WIPF3: variants seen among roughly 807,000 people sequenced by gnomAD.
WIPF3 encodes the protein WAS/WASL-interacting protein family member 3.
Under a neutral mutation model 38.9 loss-of-function variants are expected in WIPF3, and 33 were observed. That is an observed-to-expected ratio of 0.85 (90% CI 0.64 to 1.14). WIPF3 has a LOEUF of 1.14. Ranked by LOEUF, WIPF3 falls within the 50% of genes most tolerant of loss-of-function variation. The pLI is 0.00. For synonymous variants in WIPF3, 324 were observed against 269.3 expected (o/e 1.20, Z -1.99); for missense variants, 711 against 652.5 (o/e 1.09, Z -0.98).
chr7:29,855,112 C>T (rs1194812876), intron 2 of WIPF3, among the ~76,000 whole-genome samples: 2 of 152,232 alleles, frequency 1.3e-5, no homozygotes, highest in African/African-American at 4.8e-5. Context: ...CAGCTTCCAT[C>T]CTCTGAGATG....
chr7:29,808,827 C>T (rs569750478), intron 1 of WIPF3, among the ~76,000 whole-genome samples: 1 of 151,972 alleles, frequency 6.6e-6, no homozygotes, highest in African/African-American at 2.4e-5. Context: ...GTACAGGTTG[C>T]GAGTTTGCAG....
Position 29,834,760 on chromosome 7 carries a change from T to TCCCCCCC in WIPF3, c.38_39insCCCCCCC (p.Pro16ThrfsTer39). On this transcript the variant is annotated frameshift_variant, in exon 2 of 9. Coordinates refer to ENST00000242140, the MANE Select transcript of WIPF3 (RefSeq NM_001080529.3). LOFTEE classifies it high-confidence loss of function. ...CACCGCCACCCCCACCTCCTCTGCCTCCACCTCCCCCGCCTCTGGGGGCTC... is the reference window on the plus strand; with the variant it reads ...CACCGCCACCCCCACCTCCTCTGCCTCCCCCCCCCACCTCCCCCGCCTCTGGGGGCTC... 8.1e-7 allele frequency: 1 copy of TCCCCCCC among 1,234,026 alleles called. No individual in the cohort carries two copies. Among genetic ancestry groups the TCCCCCCC allele is most frequent in the South Asian group, 1.7e-5 (1 of 57,510 alleles). 76.4% of individuals were successfully genotyped at this position (1,234,026 alleles called of 1,614,324 possible). A position where few individuals can be genotyped will look rare whatever the true frequency, so the allele number is the denominator to read the frequency against.
intron 8 of WIPF3, 120 bp downstream of exon 8, chr7:29,904,482 C>A: frequency 2.1e-6 from 2 of 938,168 alleles, no homozygotes; most frequent in South Asian, 1.5e-5. Context: ...TCCTTTTCCT[C>A]AGGGAAAGCC....
chr7:29,861,719 C>T (rs868829105), intron 2 of WIPF3, among the ~76,000 whole-genome samples: 2 of 152,122 alleles, frequency 1.3e-5, no homozygotes, highest in Non-Finnish European at 1.5e-5. Flanking sequence ...GAATGGCTGG[C>T]GTGCAGGGTC....
At chr7:29,906,856 G>A (rs537635834) in intron 8 of WIPF3, among the ~76,000 whole-genome samples, 38 of 152,270 alleles carry the variant, frequency 2.5e-4, no homozygotes, top group African/African-American at 8.2e-4. Context: ...AGGCCAGAAG[G>A]TGGTGAGCCC....
intron 1 of WIPF3, among the ~76,000 whole-genome samples, chr7:29,832,956 C>G (rs1475059225): frequency 6.6e-6 from 1 of 152,208 alleles, no homozygotes; most frequent in Non-Finnish European, 1.5e-5. Context: ...AATGGCTCAA[C>G]TAAATGTGGT....
intron 2 of WIPF3, among the ~76,000 whole-genome samples, chr7:29,868,554 A>G (rs7807861): frequency 0.18 from 26,541 of 151,344 alleles, 3,109 homozygotes; most frequent in African/African-American, 0.33. Context: ...ATACACAAAT[A>G]TATTAAATAT....
At chr7:29,893,604 G>A (rs1786071665) in intron 7 of WIPF3, among the ~76,000 whole-genome samples, 1 of 152,170 alleles carries the variant, frequency 6.6e-6, no homozygotes, top group Non-Finnish European at 1.5e-5. Context: ...AGCTGAGGGG[G>A]GAGGTAAGGA....
intron 2 of WIPF3, among the ~76,000 whole-genome samples, chr7:29,870,872 G>A (rs1400191692): frequency 1.3e-5 from 2 of 151,560 alleles, no homozygotes; most frequent in Admixed American, 1.3e-4. Context: ...CAGAAGAATT[G>A]CTTGAACCCA....
chr7:29,892,839 G>A (rs2128078345), intron 7 of WIPF3, among the ~76,000 whole-genome samples: 1 of 152,336 alleles, frequency 6.6e-6, no homozygotes, highest in Middle Eastern at 3.4e-3. Context: ...GCTGAGGCAG[G>A]CAGATCACCT....
intron 2 of WIPF3, among the ~76,000 whole-genome samples, chr7:29,865,944 A>C (rs1297367039): frequency 1.3e-5 from 2 of 152,190 alleles, no homozygotes; most frequent in African/African-American, 4.8e-5. Flanking sequence ...GGATCATCTG[A>C]GGTCAGGAGT....
At chr7:29,856,435 A>G (rs1469977422) in intron 2 of WIPF3, among the ~76,000 whole-genome samples, 1 of 152,186 alleles carries the variant, frequency 6.6e-6, no homozygotes. Flanking sequence ...CGAGAATAGC[A>G]TGAGCAACAA....
intron 1 of WIPF3, among the ~76,000 whole-genome samples, chr7:29,830,079 A>G (rs902260724): frequency 6.8e-6 from 1 of 146,628 alleles, no homozygotes; most frequent in Admixed American, 7.1e-5. Flanking sequence ...TTCTTTAGAT[A>G]ATTGCTTAAT....
rs143389755 is a variant in WIPF3 at position 29,900,901 on chromosome 7, C to T, written c.1352-3385C>T. Reference sequence around the variant, plus strand: ...CAGGGCAGCCCATAGCTTAGTCAGACGGTGTTGGCCCAGAGCTGACAGTTA... The same window carrying T: ...CAGGGCAGCCCATAGCTTAGTCAGATGGTGTTGGCCCAGAGCTGACAGTTA... On this transcript the variant is annotated intron_variant, in intron 7 of 8. Transcript: ENST00000242140. Among the ~76,000 whole-genome samples the T allele has an allele frequency of 7.2e-5, 11 of 152,298 alleles. No individual in the cohort carries two copies. The Middle Eastern group carries it at 0.01, about 141-fold the overall frequency.
chr7:29,873,371 C>G (rs1359427931), intron 2 of WIPF3, among the ~76,000 whole-genome samples: 1 of 152,156 alleles, frequency 6.6e-6, no homozygotes, highest in Non-Finnish European at 1.5e-5. Context: ...TTACAAAGCA[C>G]GCTTTTTTCC....
intron 1 of WIPF3, among the ~76,000 whole-genome samples, chr7:29,818,894 C>A (rs1045096294): frequency 2.6e-5 from 4 of 152,118 alleles, no homozygotes; most frequent in African/African-American, 9.7e-5. Context: ...CTGTTTTATG[C>A]CCCTGCTATA....
At chr7:29,825,310 C>A (rs189870766) in intron 1 of WIPF3, among the ~76,000 whole-genome samples, 6 of 152,234 alleles carry the variant, frequency 3.9e-5, no homozygotes, top group African/African-American at 1.4e-4. Flanking sequence ...CAAACCTGCA[C>A]ACCCTGCACA....
intron 2 of WIPF3, among the ~76,000 whole-genome samples, chr7:29,849,861 A>G (rs955447103): frequency 6.6e-6 from 1 of 152,232 alleles, no homozygotes; most frequent in Admixed American, 6.5e-5. Context: ...TAGAACAGAA[A>G]CATGTCAGAT....
chr7:29,814,533 G>A (rs1050826198), intron 1 of WIPF3, among the ~76,000 whole-genome samples: 4 of 152,218 alleles, frequency 2.6e-5, no homozygotes, highest in Admixed American at 2.6e-4. Flanking sequence ...CTTGTCGAAG[G>A]CTGGGGGAGT....
Sources: gnomAD v4.1 joint callset for allele counts (sites outside exome capture counted in the v4.1 genomes callset) on GRCh38, gnomAD v4.1.1 for gene constraint, MANE v1.5 for transcripts, NCBI Gene and HGNC (gene_info 2026-07-23, HGNC 2026-07-21) for gene names.